The following TMEM267 variants were observed in gnomAD, a reference collection of about 807,000 sequenced individuals.
TMEM267 encodes the protein transmembrane protein C5orf28.
Under a neutral mutation model 19.3 loss-of-function variants are expected in TMEM267, and 20 were observed. The ratio of observed to expected loss-of-function variants is 1.04; its 90% CI spans 0.73 to 1.51. TMEM267 has a LOEUF of 1.51. TMEM267 is among the 40% of genes most tolerant of loss of function. TMEM267 has a pLI of 0.00. For missense variants in TMEM267, 242 were observed against 261.9 expected (o/e 0.92, Z 0.52); for synonymous variants, 88 against 90.3 (o/e 0.97, Z 0.15).
At chr5:43,447,260 T>C (rs936786545) in intron 2 of TMEM267, among the ~76,000 whole-genome samples, 1 of 152,074 alleles carries the variant, frequency 6.6e-6, no homozygotes, top group African/African-American at 2.4e-5. Context: ...CGGCTAATTT[T>C]TGTATTTTTA....
intron 1 of TMEM267, among the ~76,000 whole-genome samples, chr5:43,462,049 G>A (rs879531388): frequency 2.0e-5 from 3 of 152,240 alleles, no homozygotes; most frequent in Admixed American, 6.5e-5. Flanking sequence ...CCACAGGGGT[G>A]CTTGGGTTAC....
intron 2 of TMEM267, among the ~76,000 whole-genome samples, chr5:43,451,207 G>A (rs1004372796): frequency 7.2e-5 from 11 of 152,084 alleles, no homozygotes; most frequent in African/African-American, 2.7e-4. Flanking sequence ...GGTAAGTAAT[G>A]TTATAATCCA....
intron 1 of TMEM267, among the ~76,000 whole-genome samples, chr5:43,477,867 G>A (rs192382476): frequency 6.6e-6 from 1 of 152,352 alleles, no homozygotes; most frequent in East Asian, 1.9e-4. Flanking sequence ...GAAGACAGAA[G>A]AGTATGTGGC....
At chr5:43,478,932 C>T (rs1744593169) in intron 1 of TMEM267, among the ~76,000 whole-genome samples, 1 of 151,938 alleles carries the variant, frequency 6.6e-6, no homozygotes, top group Non-Finnish European at 1.5e-5. Context: ...TAAACTTTCT[C>T]GTGGTCAATT....
chr5:43,465,597 C>T (rs969808518), intron 1 of TMEM267, among the ~76,000 whole-genome samples: 1 of 152,154 alleles, frequency 6.6e-6, no homozygotes, highest in South Asian at 2.1e-4. Context: ...GAACATGTGG[C>T]ACATATACAC....
intron 1 of TMEM267, among the ~76,000 whole-genome samples, chr5:43,468,256 C>T (rs548345268): frequency 5.0e-4 from 76 of 152,234 alleles, no homozygotes; most frequent in African/African-American, 1.6e-3. Context: ...GTGAAAGACG[C>T]GGGGCTTTGG....
chr5:43,449,493 T>C (rs1273354013), intron 2 of TMEM267, among the ~76,000 whole-genome samples: 1 of 152,104 alleles, frequency 6.6e-6, no homozygotes, highest in East Asian at 1.9e-4. Flanking sequence ...TGCAAATCTA[T>C]TAAAAGAGCC....
At position 43,476,585 on chromosome 5, in the gene TMEM267, T is replaced by C. The variant is rs1218514558; in HGVS notation, c.-75+7237A>G. Among the ~76,000 whole-genome samples, 3 of 132,990 alleles carry C rather than the reference T, an allele frequency of 2.3e-5. No individual in the cohort carries two copies. In the East Asian group the frequency reaches 8.0e-4, roughly 35 times the overall value. 87.2% of individuals were successfully genotyped at this position (132,990 alleles called of 152,430 possible). On this transcript the variant is annotated intron_variant, in intron 1 of 2. Coordinates refer to ENST00000397080, the MANE Select transcript of TMEM267 (RefSeq NM_022483.5). ...GTGTTATTCTCTCCAAATTAATCTA[T>C]AAATTTAATGCAATTTTAATCAAAA...
Position 43,446,385 on chromosome 5 carries a change from C to A in TMEM267, c.485G>T (p.Arg162Leu). ...WTSHHIRDGI[R>L]HGLWICPFGK... ...AAATGGGCATATCCACAAACCATGA[C>A]GAATCCCATCTCGGATATGATGTGA... is the stretch of plus-strand genomic sequence containing the variant. Residue 162 changes from arginine (R) to leucine (L), a missense_variant, in exon 3 of 3, where the codon CGT becomes CTT. Physicochemically the swap from Arg to Leu is moderately radical, Grantham distance 102 (BLOSUM62 -2). Transcript: ENST00000397080. 1 of 1,614,056 alleles carries A rather than the reference C, an allele frequency of 6.2e-7. No homozygotes were observed. Among genetic ancestry groups the A allele is most frequent in the Non-Finnish European group, 8.5e-7 (1 of 1,179,984 alleles).
intron 1 of TMEM267, among the ~76,000 whole-genome samples, chr5:43,463,834 G>A (rs1018070043): frequency 5.3e-5 from 8 of 152,034 alleles, no homozygotes; most frequent in South Asian, 2.1e-4. Flanking sequence ...TATGACAAAC[G>A]CACAGCCAAT....
chr5:43,463,706 C>G (rs1579807671), intron 1 of TMEM267, among the ~76,000 whole-genome samples: 2 of 152,204 alleles, frequency 1.3e-5, no homozygotes, highest in African/African-American at 2.4e-5. Flanking sequence ...CCAAAAACCA[C>G]ATGATTATCT....
chr5:43,475,473 A>G (rs1318182576), intron 1 of TMEM267, among the ~76,000 whole-genome samples: 2 of 152,170 alleles, frequency 1.3e-5, no homozygotes, highest in Admixed American at 1.3e-4. Context: ...GTGTATACCT[A>G]TGCAACAAAC....
chr5:43,461,231 A>G (rs946757637), intron 1 of TMEM267, among the ~76,000 whole-genome samples: 3 of 152,186 alleles, frequency 2.0e-5, no homozygotes, highest in Admixed American at 6.5e-5. Context: ...AACTGGCAGC[A>G]TTCATCACCT....
chr5:43,471,723 G>A (rs912079111), intron 1 of TMEM267, among the ~76,000 whole-genome samples: 2 of 152,148 alleles, frequency 1.3e-5, no homozygotes, highest in African/African-American at 4.8e-5. Flanking sequence ...ATGGTAATGG[G>A]AAAACTAGAT....
intron 1 of TMEM267, among the ~76,000 whole-genome samples, chr5:43,477,763 T>C (rs919596583): frequency 1.3e-5 from 2 of 152,252 alleles, no homozygotes; most frequent in African/African-American, 4.8e-5. Context: ...AGTATTTGTT[T>C]CTTGCTCTCA....
At chr5:43,447,098 T>C (rs906882313) in intron 2 of TMEM267, among the ~76,000 whole-genome samples, 3 of 138,878 alleles carry the variant, frequency 2.2e-5, no homozygotes, top group African/African-American at 8.1e-5. Context: ...AGTAAATTTC[T>C]TTTTTTTTTT....
chr5:43,457,578 G>A (rs1042222373), intron 1 of TMEM267, among the ~76,000 whole-genome samples: 3 of 152,008 alleles, frequency 2.0e-5, no homozygotes, highest in Admixed American at 1.3e-4. Context: ...TCGTGAGAAC[G>A]AACTCACTAT....
At chr5:43,457,235 T>C (rs1282337289) in intron 1 of TMEM267, among the ~76,000 whole-genome samples, 4 of 152,184 alleles carry the variant, frequency 2.6e-5, no homozygotes, top group South Asian at 2.1e-4. Flanking sequence ...TACCACACTA[T>C]TGCAAATATT....
At chr5:43,448,851 A>T (rs776962832) in intron 2 of TMEM267, among the ~76,000 whole-genome samples, 28 of 151,890 alleles carry the variant, frequency 1.8e-4, no homozygotes, top group African/African-American at 2.9e-4. Context: ...ACAAAAAAAA[A>T]TTTTTTTTAA....
Sources: allele counts gnomAD v4.1 joint callset (sites outside exome capture counted in the v4.1 genomes callset), GRCh38; gene constraint gnomAD v4.1.1; transcripts MANE v1.5; gene names NCBI Gene and HGNC (gene_info 2026-07-23, HGNC 2026-07-21).